Variants in TGFB1I1 observed in about 807,000 individuals in gnomAD.
The protein encoded by TGFB1I1 is transforming growth factor beta 1 induced transcript 1.
TGFB1I1 carries 33 observed loss-of-function variants against 52.0 expected under a neutral mutation model. The ratio of observed to expected loss-of-function variants is 0.63; its 90% confidence interval spans 0.48 to 0.85. TGFB1I1 has a LOEUF of 0.85. TGFB1I1 is among the 40% of genes least tolerant of loss of function. The pLI is 0.00. For missense variants in TGFB1I1, 577 were observed against 614.9 expected, an observed-to-expected ratio of 0.94 and a Z score of 0.65; for synonymous variants, 236 against 253.3, an observed-to-expected ratio of 0.93 and a Z score of 0.65.
rs760690827 is a variant in TGFB1I1, at chr16:31,477,390, A to G, written c.1200A>G (p.Arg400=). The G allele has an allele frequency of 4.3e-6, 7 of 1,611,144 alleles. No homozygotes were observed. Among genetic ancestry groups the G allele is most frequent in the Non-Finnish European group, 5.1e-6 (6 of 1,179,196 alleles). ...RPLCENHFHA[R]RGSLCATCGL... ...TGTGCGAGAACCACTTCCACGCACG[A>G]CGCGGCTCGCTGTGCGCCACGTGTG... The change falls in exon 11 of 11, where the codon CGA becomes CGG. Residue 400 remains arginine (R), a synonymous_variant. Coordinates refer to ENST00000394863, the MANE Select transcript of TGFB1I1 (RefSeq NM_001042454.3). This position sits in a 1 kb window ranked among gnomAD's most constrained non-coding sequence, Gnocchi z 4.7.
In TGFB1I1 at chr16:31,476,991, C is replaced by A. The variant is rs770482800; in HGVS notation, c.1100C>A (p.Pro367Gln). 6.3e-7 allele frequency: 1 copy of A among 1,586,398 alleles called. No homozygotes were observed. ...YISALSALWH[P>Q]DCFVCRECFA... ...TCGGCGCTCAGCGCGCTCTGGCACC[C>A]GGACTGTTTCGTCTGCAGGGTGCGA... The change falls in exon 10 of 11, where the codon CCG becomes CAG. Residue 367 changes from proline (P) to glutamine (Q), a missense_variant. Around this residue, in one of 3 missense-constraint regions of TGFB1I1, gnomAD observed 456 missense variants for 461.6 expected, o/e 0.99. Coordinates refer to ENST00000394863, the MANE Select transcript of TGFB1I1 (RefSeq NM_001042454.3). This position sits in a 1 kb window ranked among gnomAD's most constrained non-coding sequence, Gnocchi z 7.6.
chr16:31,475,577 C>T (rs1282170800), intron 7 of TGFB1I1: 2 of 156,148 alleles, frequency 1.3e-5, no homozygotes, highest in Non-Finnish European at 2.8e-5. Context: ...AAGGCGCCCG[C>T]CACCTCGCCC....
rs749416534 is a variant in TGFB1I1, at chr16:31,473,873, C to T, written c.221C>T (p.Pro74Leu). Reference protein sequence around the residue: ...CKPRSPKPAAPAAPPFSSSSG... With the variant: ...CKPRSPKPAALAAPPFSSSSG... ...CCTCGGTCCCCAAAGCCTGCAGCCCCGGCGGCCCCTCCATTCTCCTCTTCC... is the reference window on the plus strand; with the variant it reads ...CCTCGGTCCCCAAAGCCTGCAGCCCTGGCGGCCCCTCCATTCTCCTCTTCC... The change falls in exon 4 of 11, where the codon CCG (proline) becomes CTG (leucine). Residue 74 changes from proline to leucine, a missense_variant. Pro to Leu is a moderately conservative substitution (Grantham distance 98, BLOSUM62 -3). Around this residue, in one of 3 missense-constraint regions of TGFB1I1, gnomAD observed 113 missense variants for 123.9 expected, o/e 0.91. Transcript: ENST00000394863. 35 of 1,614,128 alleles carry T rather than the reference C, an allele frequency of 2.2e-5. No homozygotes were observed. The highest frequency in any genetic ancestry group is 2.6e-5 in the Non-Finnish European group (31 of 1,180,038).
Position 31,473,465 on chromosome 16 carries a change from C to G in TGFB1I1, c.38C>G (p.Thr13Ser), listed in dbSNP as rs764409775. ...GATGCCCTGCTCTCTGACCTGGAGACTACCACCTCGCACATGCCAAGGTCA... is the reference window on the plus strand; with the variant it reads ...GATGCCCTGCTCTCTGACCTGGAGAGTACCACCTCGCACATGCCAAGGTCA... Reference protein sequence around the residue: ...DLDALLSDLETTTSHMPRSGA... With the variant: ...DLDALLSDLESTTSHMPRSGA... The change falls in exon 2 of 11, where the codon ACT becomes AGT. Residue 13 changes from threonine (T) to serine (S), a missense_variant. Thr to Ser is a moderately conservative substitution (Grantham distance 58). Around this residue, in one of 3 missense-constraint regions of TGFB1I1, gnomAD observed 113 missense variants for 123.9 expected, o/e 0.91. Coordinates refer to ENST00000394863, the MANE Select transcript of TGFB1I1 (RefSeq NM_001042454.3). The G allele has an allele frequency of 4.3e-6, 7 of 1,613,756 alleles. No individual in the cohort carries two copies. The South Asian group carries it at 7.7e-5, about 18-fold the overall frequency.
chr16:31,477,222 G>T lies in TGFB1I1; in HGVS notation c.1120-88G>T, dbSNP rs2082431505. The stretch of plus-strand genomic sequence containing the variant: ...TCTTCGCGTCTAGGGCGGGCTGCGG[G>T]GTCCCAGGGCGTTATCCGCTAGTAA... On this transcript the variant is annotated intron_variant, in intron 10 of 10. Transcript: ENST00000394863. The surrounding 1 kb of genome is among the most constrained non-coding windows in gnomAD (Gnocchi z 4.7). The T allele has an allele frequency of 2.0e-6, 3 of 1,513,664 alleles. No homozygotes were observed. In the East Asian group the frequency reaches 7.0e-5, roughly 35 times the overall value. 93.8% of individuals were successfully genotyped at this position (1,513,664 alleles called of 1,614,324 possible).
At chr16:31,473,310 G>A (rs2082401811) in intron 1 of TGFB1I1, 131 bp from the exon 2 acceptor site, 2 of 1,451,312 alleles carry the variant, frequency 1.4e-6, no homozygotes, top group South Asian at 1.4e-5. Flanking sequence ...GCAGTGCTCT[G>A]CCTGGCTCTG....
rs200132046 is a variant in TGFB1I1, at chr16:31,477,430, G to A, written c.1240G>A (p.Gly414Ser). The A allele has an allele frequency of 2.6e-4, 423 of 1,602,328 alleles. No homozygotes were observed. The highest frequency in any genetic ancestry group is 5.9e-4 in the Admixed American group (35 of 58,852). Reference sequence around the variant, plus strand: ...CGCCACGTGTGGCCTCCCTGTGACCGGCCGCTGCGTGTCGGCCCTGGGTCG... The same window carrying A: ...CGCCACGTGTGGCCTCCCTGTGACCAGCCGCTGCGTGTCGGCCCTGGGTCG... ...LCATCGLPVT[G>S]RCVSALGRRF... is the part of the protein sequence containing the mutation. Residue 414 changes from glycine (G) to serine (S), a missense_variant, in exon 11 of 11, where the codon GGC becomes AGC. By Grantham distance (56) the Gly-to-Ser change is moderately conservative. Coordinates refer to ENST00000394863, the MANE Select transcript of TGFB1I1 (RefSeq NM_001042454.3). The surrounding 1 kb of genome is among the most constrained non-coding windows in gnomAD (Gnocchi z 4.7).
At position 31,477,580 on chromosome 16, in the gene TGFB1I1, C is replaced by T. The variant is rs868801824; in HGVS notation, c.*4C>T. The T allele has an allele frequency of 5.0e-6, 8 of 1,596,652 alleles. No individual in the cohort carries two copies. The Middle Eastern group carries it at 5.0e-4, about 100-fold the overall frequency. The stretch of plus-strand genomic sequence containing the variant: ...CTTCCTGAAGCTCTTCGGCTGACAG[C>T]CCGCTCGGCTCGCCCTCTCCCCCGG... On this transcript the variant is annotated 3_prime_UTR_variant, in exon 11 of 11. Transcript: ENST00000394863. This position sits in a 1 kb window ranked among gnomAD's most constrained non-coding sequence, Gnocchi z 4.7.
chr16:31,474,834 T>C lies in TGFB1I1; in HGVS notation c.714+77T>C. 7.2e-7 allele frequency: 1 copy of C among 1,380,314 alleles called. No homozygotes were observed. Among genetic ancestry groups the C allele is most frequent in the Non-Finnish European group, 9.9e-7 (1 of 1,005,470 alleles). 85.5% of individuals were successfully genotyped at this position (1,380,314 alleles called of 1,614,324 possible). The stretch of plus-strand genomic sequence containing the variant: ...TTAGTGAGAGCTGGGCTTTATGCTG[T>C]TCCCTTTTAGTAAGTTAATCTGGGA... On this transcript the variant is annotated intron_variant, in intron 7 of 10. Transcript: ENST00000394863. This position sits in a 1 kb window ranked among gnomAD's most constrained non-coding sequence, Gnocchi z 4.2.
At chr16:31,475,614 G>A (rs913971316) in intron 7 of TGFB1I1, 1 of 161,908 alleles carries the variant, frequency 6.2e-6, no homozygotes, top group Non-Finnish European at 1.3e-5. Context: ...TTATTGTAGA[G>A]ATGGGGCTTC....
At chr16:31,473,788 G>A in intron 3 of TGFB1I1, 47 bp from the exon 4 acceptor site, 1 of 1,604,368 alleles carries the variant, frequency 6.2e-7, no homozygotes, top group Non-Finnish European at 8.5e-7. Flanking sequence ...AGGTGAGGAG[G>A]CTTGGATTCC....
chr16:31,475,784 C>A (rs950927583), intron 7 of TGFB1I1: 1 of 501,228 alleles, frequency 2.0e-6, no homozygotes, highest in Non-Finnish European at 3.5e-6. Flanking sequence ...GTATTGTGGG[C>A]TCCAGGCGCT....
chr16:31,477,889 G>A lies in TGFB1I1; in HGVS notation c.*313G>A. ...AGCGAATCGGAGGCCAGGCCAGGAC[G>A]TCCTTGCTCCCTGCACCCTCACTGT... is the stretch of plus-strand genomic sequence containing the variant. On this transcript the variant is annotated 3_prime_UTR_variant, in exon 11 of 11. Coordinates refer to ENST00000394863, the MANE Select transcript of TGFB1I1 (RefSeq NM_001042454.3). This position sits in a 1 kb window ranked among gnomAD's most constrained non-coding sequence, Gnocchi z 4.7. 2.2e-6 allele frequency: 1 copy of A among 449,156 alleles called. No homozygotes were observed. Among genetic ancestry groups the A allele is most frequent in the East Asian group, 3.8e-5 (1 of 26,224 alleles). 27.8% of individuals were successfully genotyped at this position (449,156 alleles called of 1,614,324 possible).
At position 31,477,008 on chromosome 16, in the gene TGFB1I1, A is replaced by T. The variant is rs1374444831; in HGVS notation, c.1117A>T (p.Arg373Trp). ...CTGGCACCCGGACTGTTTCGTCTGC[A>T]GGGTGCGAGCTGCGGGGCGGGGCGT... ...ALWHPDCFVC[R>W]ECFAPFSGGS... The change falls in exon 10 of 11, where the codon AGG becomes TGG. Residue 373 changes from arginine (R) to tryptophan (W), a missense_variant and splice_region_variant. Transcript: ENST00000394863. This position sits in a 1 kb window ranked among gnomAD's most constrained non-coding sequence, Gnocchi z 4.7. The T allele has an allele frequency of 1.3e-5, 20 of 1,517,996 alleles. No homozygotes were observed. Among genetic ancestry groups the T allele is most frequent in the Admixed American group, 1.8e-5 (1 of 55,422 alleles). 94.0% of individuals were successfully genotyped at this position (1,517,996 alleles called of 1,614,324 possible).
In TGFB1I1 at chr16:31,476,493, G is replaced by T; in HGVS notation, c.901G>T (p.Ala301Ser). 1 of 1,612,864 alleles carries T rather than the reference G, an allele frequency of 6.2e-7. No individual in the cohort carries two copies. The highest frequency in any genetic ancestry group is 8.5e-7 in the Non-Finnish European group (1 of 1,179,752). Residue 301 changes from alanine to serine, a missense_variant, in exon 9 of 11, where the codon GCC becomes TCC. Around this residue, in one of 3 missense-constraint regions of TGFB1I1, gnomAD observed 456 missense variants for 461.6 expected, o/e 0.99. Coordinates refer to ENST00000394863, the MANE Select transcript of TGFB1I1 (RefSeq NM_001042454.3). This position sits in a 1 kb window ranked among gnomAD's most constrained non-coding sequence, Gnocchi z 7.6. The part of the protein sequence containing the change: ...NQPIRHKMVT[A>S]LGTHWHPEHF... ...TCCCTCCCTGCAGAAGATGGTGACCGCCTTGGGCACTCACTGGCACCCAGA... is the reference window on the plus strand; with the variant it reads ...TCCCTCCCTGCAGAAGATGGTGACCTCCTTGGGCACTCACTGGCACCCAGA...
At position 31,474,349 on chromosome 16, in the gene TGFB1I1, G is replaced by A; in HGVS notation, c.414-1G>A. On this transcript the variant is annotated splice_acceptor_variant, in intron 5 of 10. Coordinates refer to ENST00000394863, the MANE Select transcript of TGFB1I1 (RefSeq NM_001042454.3). LOFTEE classifies it high-confidence loss of function. The surrounding 1 kb of genome is among the most constrained non-coding windows in gnomAD (Gnocchi z 4.2). ...AGATGACACAAGCATGTTCTTCACA[G>A]CCCTTCCAGCCCGTCTCCTGGCCTC... 1 of 1,614,146 alleles carries A rather than the reference G, an allele frequency of 6.2e-7. No individual in the cohort carries two copies. Among genetic ancestry groups the A allele is most frequent in the South Asian group, 1.1e-5 (1 of 91,082 alleles).
Position 31,476,872 on chromosome 16 carries a change from G to T in TGFB1I1, c.981G>T (p.Glu327Asp). 1 of 1,611,572 alleles carries T rather than the reference G, an allele frequency of 6.2e-7. No homozygotes were observed. Among genetic ancestry groups the T allele is most frequent in the Non-Finnish European group, 8.5e-7 (1 of 1,179,808 alleles). ...GEPFGDEGFH[E>D]REGRPYCRRD... ...GGTTCCCTCTCCTAGGTTTCCACGA[G>T]CGCGAGGGCCGCCCCTACTGCCGCC... is the stretch of plus-strand genomic sequence containing the variant. Residue 327 changes from glutamate (E) to aspartate (D), a missense_variant, in exon 10 of 11, where the codon GAG (glutamate) becomes GAT (aspartate). Coordinates refer to ENST00000394863, the MANE Select transcript of TGFB1I1 (RefSeq NM_001042454.3). The surrounding 1 kb of genome is among the most constrained non-coding windows in gnomAD (Gnocchi z 7.6).
At chr16:31,473,356 C>T (rs2082402031) in intron 1 of TGFB1I1, 85 bp from the exon 2 acceptor site, 1 of 1,507,620 alleles carries the variant, frequency 6.6e-7, no homozygotes, top group Non-Finnish European at 9.0e-7. Context: ...TGGCTTCTGT[C>T]CTTCTCCAGT....
Position 31,477,685 on chromosome 16 carries a change from G to A in TGFB1I1, c.*109G>A. ...AGAGCGGGAGGCCCCACCCACTGGA[G>A]AGCCCCGCCCCTAAGGTACTATGAG... On this transcript the variant is annotated 3_prime_UTR_variant, in exon 11 of 11. Coordinates refer to ENST00000394863, the MANE Select transcript of TGFB1I1 (RefSeq NM_001042454.3). This position sits in a 1 kb window ranked among gnomAD's most constrained non-coding sequence, Gnocchi z 4.7. 7.2e-7 allele frequency: 1 copy of A among 1,394,974 alleles called. No individual in the cohort carries two copies. The highest frequency in any genetic ancestry group is 9.5e-7 in the Non-Finnish European group (1 of 1,056,844). 86.4% of individuals were successfully genotyped at this position (1,394,974 alleles called of 1,614,324 possible). A position where few individuals can be genotyped will look rare whatever the true frequency, so the allele number is the denominator to read the frequency against.
Sources: allele counts gnomAD v4.1 joint callset, GRCh38; gene constraint gnomAD v4.1.1; regional missense constraint gnomAD v4.1.1; non-coding constraint Gnocchi (gnomAD v3.1); transcripts MANE v1.5; gene names NCBI Gene and HGNC (gene_info 2026-07-23, HGNC 2026-07-21).